The following CEP162 variants were observed in gnomAD, a reference collection of about 807,000 sequenced individuals.
CEP162 encodes centrosomal protein 162, also known as centrosomal protein of 162 kDa.
A neutral mutation model predicts 169.2 loss-of-function variants in CEP162; 141 were observed. The ratio of observed to expected loss-of-function variants is 0.83; its 90% CI spans 0.73 to 0.96. The LOEUF is 0.96. Ranked by LOEUF, CEP162 falls within the 40% of genes least tolerant of loss-of-function variation. The pLI, the probability that CEP162 is intolerant of heterozygous loss-of-function variation, is 0.00. For synonymous variants in CEP162, 540 were observed against 526.4 expected (o/e 1.03, Z -0.35); for missense variants, 1,600 against 1,587.2 (o/e 1.01, Z -0.14).
At chr6:84,135,638 G>T (rs541390104) in intron 25 of CEP162, among the ~76,000 whole-genome samples, 34 of 152,142 alleles carry the variant, frequency 2.2e-4, no homozygotes, top group Non-Finnish European at 4.7e-4. Flanking sequence ...TGAGACGGGT[G>T]AATCACTTGA....
At chr6:84,184,240 T>C (rs376572978) in intron 13 of CEP162, among the ~76,000 whole-genome samples, 2 of 152,146 alleles carry the variant, frequency 1.3e-5, no homozygotes, top group East Asian at 3.8e-4. Flanking sequence ...CTTAATGTCA[T>C]ACAAACAAAA....
Position 84,152,809 on chromosome 6 carries a change from T to C in CEP162, c.3365A>G (p.Gln1122Arg). The C allele has an allele frequency of 6.2e-7, 1 of 1,613,658 alleles. No homozygotes were observed. ...CATTTCCTCTCTGCCCTTTGAGTTC[T>C]GATTTGATAGCATCATTCTTCTGTC... is the stretch of plus-strand genomic sequence containing the variant. The part of the protein sequence containing the change: ...QKDRRMMLSN[Q>R]NSKGREEMSA... The change falls in exon 23 of 27, where the codon CAG (glutamine) becomes CGG (arginine). Residue 1122 changes from glutamine (Q) to arginine (R), a missense_variant. Gln to Arg is a conservative substitution (Grantham distance 43, BLOSUM62 1). Transcript: ENST00000403245.
chr6:84,161,863 T>C lies in CEP162; in HGVS notation c.2559A>G (p.Gln853=). ...EIKILEETHK[Q]EISRLQKRLQ... ...ATCTTTTTTGCAGACGACTGATTTCTTGTTTATGTGTTTCTTCTAAAATTT... is the reference window on the plus strand; with the variant it reads ...ATCTTTTTTGCAGACGACTGATTTCCTGTTTATGTGTTTCTTCTAAAATTT... The change falls in exon 20 of 27, where the codon CAA becomes CAG. Residue 853 remains glutamine (Q), a synonymous_variant. Transcript: ENST00000403245. The C allele has an allele frequency of 6.3e-7, 1 of 1,577,280 alleles. No homozygotes were observed. Among genetic ancestry groups the C allele is most frequent in the South Asian group, 1.2e-5 (1 of 86,878 alleles).
chr6:84,190,961 G>A (rs2099539636), intron 11 of CEP162, among the ~76,000 whole-genome samples: 1 of 152,142 alleles, frequency 6.6e-6, no homozygotes, highest in Non-Finnish European at 1.5e-5. Flanking sequence ...GATTACAGGC[G>A]TAAGCCACCG....
intron 2 of CEP162, among the ~76,000 whole-genome samples, chr6:84,221,948 C>T (rs1163194479): frequency 2.0e-5 from 3 of 152,022 alleles, no homozygotes; most frequent in Admixed American, 6.6e-5. Flanking sequence ...CTCTACTCCC[C>T]GCCCTTCCCT....
At chr6:84,131,900 A>G (rs965876727) in intron 25 of CEP162, among the ~76,000 whole-genome samples, 1 of 152,082 alleles carries the variant, frequency 6.6e-6, no homozygotes, top group Non-Finnish European at 1.5e-5. Context: ...TTAGCTGGTT[A>G]TTTTGCTCAT....
chr6:84,172,905 T>C (rs192980324), intron 16 of CEP162, among the ~76,000 whole-genome samples: 1 of 152,258 alleles, frequency 6.6e-6, no homozygotes, highest in African/African-American at 2.4e-5. Context: ...AAGTCTTATG[T>C]TGATTTGAAG....
Position 84,226,424 on chromosome 6 carries a change from AT to A in CEP162, c.-32del. The A allele has an allele frequency of 6.8e-7, 1 of 1,473,936 alleles. No individual in the cohort carries two copies. The highest frequency in any genetic ancestry group is 9.3e-7 in the Non-Finnish European group (1 of 1,073,472). The allele number at this position is 1,473,936 out of a possible 1,614,324, so 91.3% of individuals were successfully genotyped here. On this transcript the variant is annotated 5_prime_UTR_variant, in exon 2 of 27. It adds an upstream start codon to the 5' untranslated region. Coordinates refer to ENST00000403245, the MANE Select transcript of CEP162 (RefSeq NM_014895.4). ...ACAATTTTGACCTCCCAAAGTAAAC[AT>A]TCTAAAGTACCTCAAACATTGGAAA...
chr6:84,154,326 ATCTATCTGTCTG>A (rs2099522259), intron 22 of CEP162, among the ~76,000 whole-genome samples: 1 of 147,832 alleles, frequency 6.8e-6, no homozygotes, highest in African/African-American at 2.6e-5. Flanking sequence ...CTATCTATCT[ATCTATCTGTCTG>A]TCTGTCTGTC....
intron 22 of CEP162, among the ~76,000 whole-genome samples, chr6:84,154,976 A>G (rs1431674890): frequency 6.6e-6 from 1 of 152,110 alleles, no homozygotes; most frequent in East Asian, 1.9e-4. Context: ...CAAACATGGT[A>G]ATTTCTTTTT....
intron 6 of CEP162, among the ~76,000 whole-genome samples, chr6:84,209,535 C>T (rs969964515): frequency 1.4e-4 from 21 of 151,842 alleles, no homozygotes; most frequent in Middle Eastern, 3.2e-3. Flanking sequence ...CCACCACGCC[C>T]GGCTAATTTT....
At position 84,221,056 on chromosome 6, in the gene CEP162, C is replaced by T. The variant is rs753381784; in HGVS notation, c.172+1G>A. The T allele has an allele frequency of 6.7e-7, 1 of 1,497,076 alleles. No homozygotes were observed. Among genetic ancestry groups the T allele is most frequent in the South Asian group, 1.1e-5 (1 of 87,078 alleles). The allele number at this position is 1,497,076 out of a possible 1,614,324, so 92.7% of individuals were successfully genotyped here. A position where few individuals can be genotyped will look rare whatever the true frequency, so the allele number is the denominator to read the frequency against. The stretch of plus-strand genomic sequence containing the variant: ...TGAAACTAAAAATCAGCAACATTTA[C>T]CATCATCTTTAAAATCATCTTCAGT... On this transcript the variant is annotated splice_donor_variant, in intron 3 of 26. Transcript: ENST00000403245. LOFTEE classifies it high-confidence loss of function.
intron 25 of CEP162, among the ~76,000 whole-genome samples, chr6:84,133,775 T>G (rs1215654732): frequency 6.6e-6 from 1 of 152,140 alleles, no homozygotes; most frequent in East Asian, 1.9e-4. Context: ...CAGCTTCCCT[T>G]GGCTAGGAAA....
intron 6 of CEP162, among the ~76,000 whole-genome samples, chr6:84,209,711 G>A (rs2099548710): frequency 6.6e-6 from 1 of 152,144 alleles, no homozygotes; most frequent in South Asian, 2.1e-4. Flanking sequence ...TAAATCAAAA[G>A]TTAATACAGC....
At chr6:84,135,447 G>A (rs926806019) in intron 25 of CEP162, among the ~76,000 whole-genome samples, 1 of 152,168 alleles carries the variant, frequency 6.6e-6, no homozygotes, top group Non-Finnish European at 1.5e-5. Flanking sequence ...GCGTAGCCCA[G>A]AGACAGACTG....
chr6:84,177,284 T>A (rs1256144419), intron 13 of CEP162, among the ~76,000 whole-genome samples: 18 of 152,198 alleles, frequency 1.2e-4, no homozygotes, highest in Middle Eastern at 3.2e-3. Context: ...TGTACTCATA[T>A]TTTCTCATTT....
chr6:84,200,982 A>G, intron 8 of CEP162, 77 bp from the exon 9 acceptor site: 3 of 938,690 alleles, frequency 3.2e-6, no homozygotes, highest in Non-Finnish European at 5.0e-6. Context: ...AATTATTTTA[A>G]ACATATGCAA....
chr6:84,191,659 C>T (rs749348117), intron 11 of CEP162, among the ~76,000 whole-genome samples: 1 of 152,184 alleles, frequency 6.6e-6, no homozygotes, highest in Non-Finnish European at 1.5e-5. Context: ...GAGGACTGCA[C>T]TTCACCTGGA....
At position 84,215,433 on chromosome 6, in the gene CEP162, G is replaced by A; in HGVS notation, c.352C>T (p.Leu118Phe). Residue 118 changes from leucine (L) to phenylalanine (F), a missense_variant, in exon 5 of 27, where the codon CTC becomes TTC. Physicochemically the swap from Leu to Phe is conservative, Grantham distance 22 (BLOSUM62 0). Coordinates refer to ENST00000403245, the MANE Select transcript of CEP162 (RefSeq NM_014895.4). ...LVVSELNHSS[L>F]GVGLDTLEEQ... is the part of the protein sequence containing the mutation. ...TCTAATGTGTCCAATCCCACTCCGA[G>A]ACTACTATGGTTGAGCTCAGAAACT... 14 of 1,604,590 alleles carry A rather than the reference G, an allele frequency of 8.7e-6. No individual in the cohort carries two copies. The highest frequency in any genetic ancestry group is 1.7e-5 in the Admixed American group (1 of 58,592).
Sources: gnomAD v4.1 joint callset for allele counts (sites outside exome capture counted in the v4.1 genomes callset) on GRCh38, gnomAD v4.1.1 for gene constraint, MANE v1.5 for transcripts, NCBI Gene and HGNC (gene_info 2026-07-23, HGNC 2026-07-21) for gene names.